Variants in ESD observed in about 807,000 individuals in gnomAD.
The protein encoded by ESD is S-formylglutathione hydrolase.
ESD carries 34 observed loss-of-function variants against 38.1 expected under a neutral mutation model. The ratio of observed to expected loss-of-function variants is 0.89; its 90% CI spans 0.68 to 1.19. The LOEUF (loss-of-function observed/expected upper bound fraction) is 1.19, where lower values mean the gene tolerates loss of function less well. Ranked by LOEUF, ESD falls within the 50% of genes most tolerant of loss-of-function variation. The pLI, the probability that ESD is intolerant of heterozygous loss-of-function variation, is 0.00. For synonymous variants in ESD, 97 were observed against 107.0 expected (o/e 0.91, Z 0.58); for missense variants, 334 against 327.2 (o/e 1.02, Z -0.16).
chr13:46,785,459 C>CTACTTA (rs1247566133), intron 4 of ESD, among the ~76,000 whole-genome samples: 1 of 151,998 alleles, frequency 6.6e-6, no homozygotes, highest in Non-Finnish European at 1.5e-5. Flanking sequence ...GGGAAAGATA[C>CTACTTA]AAATCACTAC....
chr13:46,771,581 T>C (rs1874610136), intron 9 of ESD, 85 bp from the exon 10 acceptor site: 1 of 807,540 alleles, frequency 1.2e-6, no homozygotes, highest in African/African-American at 1.8e-5. Context: ...CTAAGGTCGT[T>C]TAATTTGCTT....
chr13:46,796,415 C>T (rs1875578723), intron 1 of ESD, among the ~76,000 whole-genome samples: 1 of 152,236 alleles, frequency 6.6e-6, no homozygotes, highest in Non-Finnish European at 1.5e-5. Flanking sequence ...TAAAATGCTG[C>T]TTCTACCACA....
At chr13:46,793,529 C>G (rs1875467101) in intron 1 of ESD, 85 bp from the exon 2 acceptor site, 1 of 152,464 alleles carries the variant, frequency 6.6e-6, no homozygotes, top group Non-Finnish European at 1.5e-5. Context: ...TATGCATTCT[C>G]AATAGAGATG....
rs1320066525 is a variant in ESD, at chr13:46,791,385, T to C, written c.29A>G (p.Lys10Arg). MALKQISSNKCFGGLQKVFE... is the reference protein window; with the variant it reads MALKQISSNRCFGGLQKVFE... ...AACTTTCTGCAATCCCCCAAAGCAC[T>C]TGTTGCTGGAAATCTGCTTCAATGC... The change falls in exon 3 of 10, where the codon AAG becomes AGG. Residue 10 changes from lysine to arginine, a missense_variant. Transcript: ENST00000378720. 3.7e-6 allele frequency: 6 copies of C among 1,613,108 alleles called. No individual in the cohort carries two copies. Among genetic ancestry groups the C allele is most frequent in the South Asian group, 2.2e-5 (2 of 90,966 alleles).
intron 7 of ESD, among the ~76,000 whole-genome samples, chr13:46,780,418 T>C (rs1566279233): frequency 6.6e-6 from 1 of 151,742 alleles, no homozygotes; most frequent in African/African-American, 2.4e-5. Context: ...ATCTGACACA[T>C]TTCTCTTAAA....
At chr13:46,772,861 T>C (rs1874656192) in intron 9 of ESD, among the ~76,000 whole-genome samples, 1 of 152,164 alleles carries the variant, frequency 6.6e-6, no homozygotes, top group Non-Finnish European at 1.5e-5. Context: ...ATTTTTTGTA[T>C]TTTTAGTAGA....
chr13:46,789,523 G>T (rs1875315313), intron 3 of ESD, among the ~76,000 whole-genome samples: 1 of 152,104 alleles, frequency 6.6e-6, no homozygotes, highest in Non-Finnish European at 1.5e-5. Flanking sequence ...TGTTGGTGTA[G>T]ATCTATTTTC....
chr13:46,780,067 T>C (rs763089211), intron 7 of ESD, 34 bp from the exon 8 acceptor site: 7 of 1,436,368 alleles, frequency 4.9e-6, no homozygotes, highest in Non-Finnish European at 6.7e-6. Flanking sequence ...AAACAAGTTA[T>C]ATTTTGCTAA....
chr13:46,784,490 G>T, intron 4 of ESD, 140 bp from the exon 5 acceptor site: 1 of 587,518 alleles, frequency 1.7e-6, no homozygotes. Flanking sequence ...TTCACTACCC[G>T]GGTGATGGTA....
chr13:46,771,548 T>C (rs766024295), intron 9 of ESD, 52 bp from the exon 10 acceptor site: 7 of 1,133,706 alleles, frequency 6.2e-6, no homozygotes, highest in Admixed American at 5.6e-5. Context: ...GGAACATCAG[T>C]ATTAGGAACA....
chr13:46,791,455 GA>G (rs1875399508), intron 2 of ESD, 35 bp from the exon 3 acceptor site: 1 of 1,507,848 alleles, frequency 6.6e-7, no homozygotes, highest in Non-Finnish European at 9.1e-7. Flanking sequence ...AATTTCCAGA[GA>G]ATTAGTTACT....
At chr13:46,782,931 C>T in intron 5 of ESD, 140 bp from the exon 6 acceptor site, 1 of 1,049,938 alleles carries the variant, frequency 9.5e-7, no homozygotes, top group Non-Finnish European at 1.4e-6. Flanking sequence ...TTTTGGAGCA[C>T]ATGATAGGAT....
At position 46,779,927 on chromosome 13, in the gene ESD, G is replaced by C; in HGVS notation, c.600+8C>G. ...GAATGAGTATTAAGACAGCCATTCAGTACCTACCTTCCATTTACTTTGATC... is the reference window on the plus strand; with the variant it reads ...GAATGAGTATTAAGACAGCCATTCACTACCTACCTTCCATTTACTTTGATC... On this transcript the variant is annotated splice_region_variant and intron_variant, in intron 8 of 9. Coordinates refer to ENST00000378720, the MANE Select transcript of ESD (RefSeq NM_001984.2). 1 of 1,589,748 alleles carries C rather than the reference G, an allele frequency of 6.3e-7. No homozygotes were observed. The highest frequency in any genetic ancestry group is 8.6e-7 in the Non-Finnish European group (1 of 1,162,066).
intron 9 of ESD, among the ~76,000 whole-genome samples, chr13:46,772,908 T>A (rs1391365656): frequency 1.3e-5 from 2 of 152,052 alleles, no homozygotes; most frequent in Non-Finnish European, 2.9e-5. Context: ...ATGGTCTCGA[T>A]CTCCTGACCT....
intron 3 of ESD, among the ~76,000 whole-genome samples, chr13:46,790,923 CGT>C (rs1027578601): frequency 2.0e-5 from 3 of 151,968 alleles, no homozygotes; most frequent in African/African-American, 7.3e-5. Flanking sequence ...TGTATGTGTG[CGT>C]GTGTGTTTAA....
intron 9 of ESD, chr13:46,776,350 G>C (rs1874798547): frequency 6.6e-6 from 1 of 152,100 alleles, no homozygotes; most frequent in Non-Finnish European, 1.5e-5. Flanking sequence ...AAGTTACGTA[G>C]GCAGCAAGCT....
At chr13:46,795,119 G>A (rs978113867) in intron 1 of ESD, among the ~76,000 whole-genome samples, 1 of 152,018 alleles carries the variant, frequency 6.6e-6, no homozygotes, top group African/African-American at 2.4e-5. Context: ...TGCCTGTCTT[G>A]CCTAATCTAC....
chr13:46,778,044 A>G (rs1874867006), intron 8 of ESD, among the ~76,000 whole-genome samples: 1 of 151,528 alleles, frequency 6.6e-6, no homozygotes, highest in Non-Finnish European at 1.5e-5. Context: ...TCTATTTCAG[A>G]TAATCTTTTT....
intron 9 of ESD, among the ~76,000 whole-genome samples, chr13:46,773,535 A>T (rs1874686723): frequency 6.6e-6 from 1 of 152,248 alleles, no homozygotes; most frequent in Non-Finnish European, 1.5e-5. Flanking sequence ...AGCACCTAAG[A>T]AATAAAAATA....
Sources: allele counts gnomAD v4.1 joint callset (sites outside exome capture counted in the v4.1 genomes callset), GRCh38; gene constraint gnomAD v4.1.1; transcripts MANE v1.5; gene names NCBI Gene and HGNC (gene_info 2026-07-23, HGNC 2026-07-21).